PKD1L1: variants seen among roughly 807,000 people sequenced by gnomAD.
The protein encoded by PKD1L1 is polycystin-1-like protein 1.
Under a neutral mutation model 323.4 loss-of-function variants are expected in PKD1L1, and 236 were observed. The observed-to-expected ratio is 0.73, with a 90% CI of 0.66 to 0.81. PKD1L1 has a LOEUF of 0.81. PKD1L1 is among the 40% of genes least tolerant of loss of function. The pLI is 0.00. For synonymous variants in PKD1L1, 1,344 were observed against 1,335.0 expected (o/e 1.01, Z -0.15); for missense variants, 3,320 against 3,508.0 (o/e 0.95, Z 1.35).
At chr7:47,895,997 G>T (rs1674385103) in intron 14 of PKD1L1, among the ~76,000 whole-genome samples, 1 of 152,168 alleles carries the variant, frequency 6.6e-6, no homozygotes, top group Non-Finnish European at 1.5e-5. Flanking sequence ...TTTCACTCTT[G>T]CCTGGCCTTA....
intron 56 of PKD1L1, among the ~76,000 whole-genome samples, chr7:47,788,886 C>G (rs1412042849): frequency 6.6e-6 from 1 of 151,990 alleles, no homozygotes; most frequent in African/African-American, 2.4e-5. Flanking sequence ...TGTAAGCCAC[C>G]GTGCTTGGCC....
intron 56 of PKD1L1, among the ~76,000 whole-genome samples, chr7:47,778,309 T>C (rs1451562368): frequency 2.0e-5 from 3 of 152,196 alleles, no homozygotes; most frequent in African/African-American, 7.2e-5. Flanking sequence ...GGAGAAGTGG[T>C]TAAATGATTA....
At chr7:47,948,478 G>A (rs1788147265), upstream of PKD1L1, 1 of 1,607,262 alleles carries the variant, frequency 6.2e-7, no homozygotes, top group Non-Finnish European at 8.5e-7. Flanking sequence ...ACAGTCAGCA[G>A]ACCAGCTTCT....
intron 52 of PKD1L1, among the ~76,000 whole-genome samples, chr7:47,804,431 A>T (rs930966137): frequency 2.0e-5 from 3 of 151,966 alleles, no homozygotes; most frequent in Non-Finnish European, 2.9e-5. Flanking sequence ...GTCAATATGT[A>T]ACCAACATAA....
intron 24 of PKD1L1, among the ~76,000 whole-genome samples, chr7:47,870,693 T>C (rs1441518565): frequency 6.6e-6 from 1 of 152,208 alleles, no homozygotes; most frequent in Non-Finnish European, 1.5e-5. Context: ...TCACAAAATC[T>C]TCCAAATACT....
At chr7:47,804,571 G>A (rs914772884) in intron 52 of PKD1L1, among the ~76,000 whole-genome samples, 7 of 148,600 alleles carry the variant, frequency 4.7e-5, no homozygotes, top group African/African-American at 1.7e-4. Context: ...GTGAGTTCAA[G>A]CAATTCTCCT....
chr7:47,917,456 C>T (rs1365268497), intron 7 of PKD1L1, among the ~76,000 whole-genome samples: 3 of 152,150 alleles, frequency 2.0e-5, no homozygotes, highest in African/African-American at 7.2e-5. Flanking sequence ...GAGACCCAGA[C>T]ATCCAAATAC....
chr7:47,879,571 T>A (rs561805238), intron 21 of PKD1L1, among the ~76,000 whole-genome samples: 112 of 141,636 alleles, frequency 7.9e-4, no homozygotes, highest in Non-Finnish European at 1.4e-3. Context: ...AGGTGGAGGT[T>A]GCAGTGAGCT....
At chr7:47,776,210 G>A (rs1584936519) in intron 56 of PKD1L1, among the ~76,000 whole-genome samples, 1 of 152,186 alleles carries the variant, frequency 6.6e-6, no homozygotes, top group Non-Finnish European at 1.5e-5. Context: ...TTCAATTCTA[G>A]ATGGCATCTC....
At chr7:47,792,821 G>T in intron 55 of PKD1L1, 24 bp from the exon 56 acceptor site, 1 of 1,589,176 alleles carries the variant, frequency 6.3e-7, no homozygotes, top group Non-Finnish European at 8.6e-7. Context: ...AATTAGATTA[G>T]TAAATGCATT....
At chr7:47,959,767 G>A in the PKD1L1 span, among the ~76,000 whole-genome samples, 8 of 144,532 alleles carry the variant, frequency 5.5e-5, no homozygotes, top group South Asian at 2.2e-4. Flanking sequence ...CCCCCCGCCC[G>A]GCCAGCCGCC....
At chr7:47,793,444 C>CT (rs1365570241) in intron 55 of PKD1L1, among the ~76,000 whole-genome samples, 44 of 152,268 alleles carry the variant, frequency 2.9e-4, no homozygotes, top group African/African-American at 9.6e-4. Context: ...GATCTGATGG[C>CT]TTATCAGGTG....
rs1394786447 is a variant in PKD1L1 at position 47,812,012 on chromosome 7, G to A, written c.7386C>T (p.Ser2462=). The A allele has an allele frequency of 6.3e-7, 1 of 1,581,628 alleles. No individual in the cohort carries two copies. Among genetic ancestry groups the A allele is most frequent in the Non-Finnish European group, 8.6e-7 (1 of 1,163,676 alleles). Residue 2462 remains serine, a synonymous_variant, in exon 50 of 57, where the codon AGC becomes AGT. Coordinates refer to ENST00000289672, the MANE Select transcript of PKD1L1 (RefSeq NM_138295.5). ...CCCTGGTGCTGCGGTCAATCCACAT[G>A]CTGGCCCTGAGTCGGGACAGGGCTG... is the stretch of plus-strand genomic sequence containing the variant. ...AHTALSRLRA[S]MWIDRSTRAV...
chr7:47,954,238 G>A, the PKD1L1 span, among the ~76,000 whole-genome samples: 1 of 152,126 alleles, frequency 6.6e-6, no homozygotes, highest in Non-Finnish European at 1.5e-5. Flanking sequence ...GGCAGCCTCT[G>A]GTTAGCAGCG....
At chr7:47,798,711 C>T (rs1441928000) in intron 54 of PKD1L1, among the ~76,000 whole-genome samples, 7 of 150,170 alleles carry the variant, frequency 4.7e-5, no homozygotes, top group African/African-American at 1.7e-4. Flanking sequence ...TCTGAGATCA[C>T]GCCACTGCAC....
intron 31 of PKD1L1, among the ~76,000 whole-genome samples, chr7:47,849,369 G>A (rs574322572): frequency 6.6e-6 from 1 of 152,090 alleles, no homozygotes; most frequent in Non-Finnish European, 1.5e-5. Context: ...AAACCAAAAA[G>A]CTCCTTCAAA....
rs755982540 is a variant in PKD1L1, at chr7:47,813,257, TAG to T, written c.7208_7209del (p.Ser2403TyrfsTer5). 19 of 1,614,056 alleles carry T rather than the reference TAG, an allele frequency of 1.2e-5. No homozygotes were observed. The highest frequency in any genetic ancestry group is 1.4e-5 in the Non-Finnish European group (17 of 1,180,034). On this transcript the variant is annotated frameshift_variant, in exon 49 of 57. Transcript: ENST00000289672. LOFTEE classifies it high-confidence loss of function. ...PRPFSALIED[S>X]IPTCSPEVGG... ...CCAACTTCGGGACTACATGTAGGAA[TAG>T]AGTCTTCGATGAGTGCTGAAAATGG...
intron 7 of PKD1L1, among the ~76,000 whole-genome samples, chr7:47,927,193 TA>T (rs1284363812): frequency 6.7e-6 from 1 of 148,864 alleles, no homozygotes; most frequent in African/African-American, 2.5e-5. Flanking sequence ...TAATAAAAGT[TA>T]AAAATTCCTA....
At chr7:47,785,953 G>A (rs995721709) in intron 56 of PKD1L1, among the ~76,000 whole-genome samples, 3 of 152,012 alleles carry the variant, frequency 2.0e-5, no homozygotes, top group Non-Finnish European at 4.4e-5. Context: ...CGTTGACCAA[G>A]CTGGTCTCGA....
Sources: allele counts gnomAD v4.1 joint callset (sites outside exome capture counted in the v4.1 genomes callset), GRCh38; gene constraint gnomAD v4.1.1; transcripts MANE v1.5; gene names NCBI Gene and HGNC (gene_info 2026-07-23, HGNC 2026-07-21).